SEMA5A: variants seen among roughly 807,000 people sequenced by gnomAD.
SEMA5A encodes the protein semaphorin-5A.
A neutral mutation model predicts 135.5 loss-of-function variants in SEMA5A; 55 were observed. That is an observed-to-expected ratio of 0.41 (90% CI 0.33 to 0.51). The LOEUF is 0.51. Ranked by LOEUF, SEMA5A falls within the 20% of genes least tolerant of loss-of-function variation. The probability of loss-of-function intolerance (pLI) is 0.37; values close to 1 mark genes in which losing one functional copy is unlikely to be tolerated. For missense variants in SEMA5A, 1,290 were observed against 1,419.9 expected, an observed-to-expected ratio of 0.91 and a Z score of 1.47; for synonymous variants, 580 against 546.5, an observed-to-expected ratio of 1.06 and a Z score of -0.85.
chr5:9,238,981 A>C (rs971851264), intron 5 of SEMA5A, among the ~76,000 whole-genome samples: 4 of 152,240 alleles, frequency 2.6e-5, no homozygotes, highest in African/African-American at 9.6e-5. Flanking sequence ...CTTCACCCTT[A>C]TTTTTTAGTA....
At chr5:9,108,045 G>T in intron 16 of SEMA5A, 95 bp downstream of exon 16, 1 of 1,432,198 alleles carries the variant, frequency 7.0e-7, no homozygotes, top group Non-Finnish European at 9.4e-7. Context: ...TTTATTGTTT[G>T]CAGAACATCT....
Position 9,426,201 on chromosome 5 carries a change from G to A in SEMA5A, c.-78+11555C>T, listed in dbSNP as rs139244194. Among the ~76,000 whole-genome samples the A allele has an allele frequency of 7.1e-3, 1,073 of 152,174 alleles. 20 individuals are homozygous for A. The highest frequency in any genetic ancestry group is 0.024 in the African/African-American group (980 of 41,536). ...ACCTGTAATCCCAGCACTTTGGGAG[G>A]CCGAGGCGGGCAGATCATGAGGTCA... On this transcript the variant is annotated intron_variant, in intron 2 of 22. Coordinates refer to ENST00000382496, the MANE Select transcript of SEMA5A (RefSeq NM_003966.3).
rs376580760 is a variant in SEMA5A at position 9,245,710 on chromosome 5, T to A, written c.271-7820A>T. Among the ~76,000 whole-genome samples, 6 of 152,334 alleles carry A rather than the reference T, an allele frequency of 3.9e-5. No homozygotes were observed. In the South Asian group the frequency reaches 1.2e-3, roughly 32 times the overall value. On this transcript the variant is annotated intron_variant, in intron 5 of 22. Coordinates refer to ENST00000382496, the MANE Select transcript of SEMA5A (RefSeq NM_003966.3). ...GAAGGATTCTAAAGTCTTAAAATTC[T>A]GTACATGGTATACATTTTTGGTATA...
chr5:9,143,971 T>G lies in SEMA5A; in HGVS notation c.1482-7350A>C, dbSNP rs1297924350. Among the ~76,000 whole-genome samples the G allele has an allele frequency of 2.0e-5, 3 of 152,252 alleles. No homozygotes were observed. The East Asian group carries it at 5.8e-4, about 29-fold the overall frequency. ...AAACCAGGACAAAGGAGGCACAGGG[T>G]GTTTCAATGGCCCAACATAAACCTT... On this transcript the variant is annotated intron_variant, in intron 12 of 22. Transcript: ENST00000382496.
At chr5:9,051,274 A>G (rs1380946849) in intron 20 of SEMA5A, among the ~76,000 whole-genome samples, 1 of 152,198 alleles carries the variant, frequency 6.6e-6, no homozygotes, top group Non-Finnish European at 1.5e-5. Flanking sequence ...TCCACCTAAC[A>G]GTCCTAAGGC....
chr5:9,410,484 A>G (rs1369690671), intron 2 of SEMA5A, among the ~76,000 whole-genome samples: 1 of 152,200 alleles, frequency 6.6e-6, no homozygotes, highest in Non-Finnish European at 1.5e-5. Flanking sequence ...CTAGCAAAGC[A>G]TTCAGGCTAC....
At chr5:9,269,356 G>A (rs1341167326) in intron 5 of SEMA5A, among the ~76,000 whole-genome samples, 2 of 152,162 alleles carry the variant, frequency 1.3e-5, no homozygotes, top group Non-Finnish European at 2.9e-5. Flanking sequence ...TTGTGTTGGA[G>A]CTGTGACTTG....
At chr5:9,108,785 G>T (rs1005203268) in intron 15 of SEMA5A, among the ~76,000 whole-genome samples, 8 of 152,074 alleles carry the variant, frequency 5.3e-5, no homozygotes, top group African/African-American at 1.9e-4. Context: ...TAGCATGAAG[G>T]CCCAAGTTAT....
chr5:9,044,494 C>A lies in SEMA5A; in HGVS notation c.2984G>T (p.Arg995Leu), dbSNP rs138316526. 1 of 1,613,888 alleles carries A rather than the reference C, an allele frequency of 6.2e-7. No individual in the cohort carries two copies. Among genetic ancestry groups the A allele is most frequent in the South Asian group, 1.1e-5 (1 of 91,042 alleles). ...CGCATCGTGGGATTGCTGCTGGTAC[C>A]GCTGGCAGTAAGTATAGACGAGCAG... is the stretch of plus-strand genomic sequence containing the variant. Reference protein sequence around the residue: ...LTLLVYTYCQRYQQQSHDATV... With the variant: ...LTLLVYTYCQLYQQQSHDATV... Residue 995 changes from arginine (R) to leucine (L), a missense_variant, in exon 22 of 23, where the codon CGG (arginine) becomes CTG (leucine). Physicochemically the swap from Arg to Leu is moderately radical, Grantham distance 102. Coordinates refer to ENST00000382496, the MANE Select transcript of SEMA5A (RefSeq NM_003966.3).
At chr5:9,143,811 C>A (rs1742187709) in intron 12 of SEMA5A, among the ~76,000 whole-genome samples, 2 of 56,004 alleles carry the variant, frequency 3.6e-5, no homozygotes, top group African/African-American at 8.7e-5. Context: ...TTTATCTTGA[C>A]CTCCTTGTGG....
At chr5:9,283,392 C>G (rs1477671325) in intron 5 of SEMA5A, among the ~76,000 whole-genome samples, 4 of 152,118 alleles carry the variant, frequency 2.6e-5, no homozygotes, top group Non-Finnish European at 5.9e-5. Flanking sequence ...AATGCCCACC[C>G]CTGTCTGCCC....
intron 3 of SEMA5A, among the ~76,000 whole-genome samples, chr5:9,370,578 C>T (rs1432804403): frequency 2.0e-5 from 3 of 152,146 alleles, no homozygotes; most frequent in Admixed American, 1.3e-4. Flanking sequence ...AGATTACCTC[C>T]CAGCCTCTCT....
In SEMA5A at chr5:9,341,579, C is replaced by T. The variant is rs199581366; in HGVS notation, c.125-3767G>A. 1.9e-4 allele frequency among the ~76,000 whole-genome samples: 29 copies of T among 150,512 alleles called. No individual in the cohort carries two copies. In the East Asian group the frequency reaches 5.6e-3, roughly 29 times the overall value. On this transcript the variant is annotated intron_variant, in intron 3 of 22. Coordinates refer to ENST00000382496, the MANE Select transcript of SEMA5A (RefSeq NM_003966.3). ...TGAGTTTACCTTTTTCCTCCTATCCCTATTTTCTGATATTGCTGAAATAAC... is the reference window on the plus strand; with the variant it reads ...TGAGTTTACCTTTTTCCTCCTATCCTTATTTTCTGATATTGCTGAAATAAC...
chr5:9,131,518 G>A (rs2150206368), intron 13 of SEMA5A, among the ~76,000 whole-genome samples: 1 of 149,514 alleles, frequency 6.7e-6, no homozygotes, highest in South Asian at 2.1e-4. Flanking sequence ...TGAGGCAGGA[G>A]AATGGCATGA....
At chr5:9,068,838 T>A (rs1042471070) in intron 16 of SEMA5A, among the ~76,000 whole-genome samples, 4 of 152,186 alleles carry the variant, frequency 2.6e-5, no homozygotes, top group Non-Finnish European at 4.4e-5. Context: ...GGACTCTGTG[T>A]GCAGCAGTGT....
At chr5:9,150,503 A>T (rs1050348058) in intron 12 of SEMA5A, among the ~76,000 whole-genome samples, 14 of 152,064 alleles carry the variant, frequency 9.2e-5, no homozygotes, top group Non-Finnish European at 2.9e-5. Context: ...TCAAAACACA[A>T]TTTTTTTACT....
intron 8 of SEMA5A, among the ~76,000 whole-genome samples, chr5:9,221,417 C>G (rs974833868): frequency 3.3e-5 from 5 of 150,404 alleles, no homozygotes; most frequent in Non-Finnish European, 7.4e-5. Context: ...ATTCTCCTGC[C>G]TCAGCCTCCC....
chr5:9,049,352 G>C (rs1218483476), intron 21 of SEMA5A, among the ~76,000 whole-genome samples: 1 of 152,102 alleles, frequency 6.6e-6, no homozygotes, highest in Non-Finnish European at 1.5e-5. Flanking sequence ...GGTACAGATG[G>C]CATTTCGTCA....
intron 16 of SEMA5A, among the ~76,000 whole-genome samples, chr5:9,098,915 G>A (rs1178249475): frequency 2.0e-5 from 3 of 152,174 alleles, no homozygotes; most frequent in Non-Finnish European, 4.4e-5. Flanking sequence ...ATCTCTTCAT[G>A]AAAACTTCTT....
Sources: gnomAD v4.1 joint callset for allele counts (sites outside exome capture counted in the v4.1 genomes callset) on GRCh38, gnomAD v4.1.1 for gene constraint, MANE v1.5 for transcripts, NCBI Gene and HGNC (gene_info 2026-07-23, HGNC 2026-07-21) for gene names.